MYO18A: variants seen among roughly 807,000 people sequenced by gnomAD.
MYO18A encodes the protein unconventional myosin-XVIIIa.
A neutral mutation model predicts 235.8 loss-of-function variants in MYO18A; 78 were observed. The observed-to-expected ratio is 0.33, with a 90% CI of 0.28 to 0.40. The LOEUF (loss-of-function observed/expected upper bound fraction) is 0.40, where lower values mean the gene tolerates loss of function less well. Among genes scored for constraint, MYO18A ranks in the 10% least tolerant of loss-of-function variants. MYO18A has a pLI of 1.00. For missense variants in MYO18A, 2,215 were observed against 2,699.3 expected (o/e 0.82, Z 3.98); for synonymous variants, 977 against 1,077.8 (o/e 0.91, Z 1.83).
At chr17:29,090,154 T>C in intron 36 of MYO18A, 56 bp from the exon 37 acceptor site, 1 of 1,568,216 alleles carries the variant, frequency 6.4e-7, no homozygotes, top group Non-Finnish European at 8.7e-7. Context: ...GGGAGGAGAC[T>C]GCGTCTGGGG....
intron 41 of MYO18A, chr17:29,075,784 C>A (rs1392465971): frequency 6.5e-6 from 1 of 152,930 alleles, no homozygotes. Flanking sequence ...GCCTCCACTG[C>A]CTCCGTCAGT....
At position 29,098,928 on chromosome 17, in the gene MYO18A, C is replaced by G; in HGVS notation, c.3678G>C (p.Lys1226Asn). 1 of 1,613,848 alleles carries G rather than the reference C, an allele frequency of 6.2e-7. No homozygotes were observed. Among genetic ancestry groups the G allele is most frequent in the Non-Finnish European group, 8.5e-7 (1 of 1,179,860 alleles). Residue 1226 changes from lysine to asparagine, a missense_variant, in exon 23 of 42, where the codon AAG becomes AAC. Coordinates refer to ENST00000527372, the MANE Select transcript of MYO18A (RefSeq NM_078471.4). ...LAIRCVQKNI[K>N]KNKGVKDWPW... ...GCCAGTCCTTCACCCCTTTGTTCTT[C>G]TTGATGTTCTTCTGTACACAGCGAA... is the stretch of plus-strand genomic sequence containing the variant.
intron 28 of MYO18A, 25 bp from the exon 29 acceptor site, chr17:29,095,084 T>C: frequency 6.7e-7 from 1 of 1,503,422 alleles, no homozygotes; most frequent in East Asian, 2.5e-5. Context: ...GGCGGCTCCA[T>C]CAGATGGGGA....
chr17:29,135,098 T>C (rs1378393795), intron 2 of MYO18A, among the ~76,000 whole-genome samples: 1 of 145,726 alleles, frequency 6.9e-6, no homozygotes, highest in African/African-American at 2.5e-5. Flanking sequence ...AACTGGTTCT[T>C]TTTTTTTTTT....
chr17:29,145,755 A>G (rs2067833949), intron 2 of MYO18A, among the ~76,000 whole-genome samples: 1 of 152,222 alleles, frequency 6.6e-6, no homozygotes, highest in South Asian at 2.1e-4. Context: ...AGCAGAGGAG[A>G]TAACAAATGT....
chr17:29,080,583 G>A (rs900300561), intron 41 of MYO18A: 7 of 985,836 alleles, frequency 7.1e-6, no homozygotes, highest in Non-Finnish European at 8.4e-6. Flanking sequence ...GGCGGGAACC[G>A]GGCGAGCCCG....
chr17:29,166,845 C>G lies in MYO18A; in HGVS notation c.96G>C (p.Glu32Asp), dbSNP rs1171875130. 1 of 1,577,190 alleles carries G rather than the reference C, an allele frequency of 6.3e-7. No individual in the cohort carries two copies. The highest frequency in any genetic ancestry group is 8.6e-7 in the Non-Finnish European group (1 of 1,162,202). ...GGCTCATCTCCTCCAGGCTCCGAAG[C>G]TCTGCCGCTGACATCCGCTCCTTTT... Reference protein sequence around the residue: ...KEKKERMSAAELRSLEEMSLR... With the variant: ...KEKKERMSAADLRSLEEMSLR... Residue 32 changes from glutamate to aspartate, a missense_variant, in exon 2 of 42, where the codon GAG becomes GAC. Transcript: ENST00000527372.
chr17:29,148,713 G>C (rs189967931), intron 2 of MYO18A, among the ~76,000 whole-genome samples: 1 of 152,074 alleles, frequency 6.6e-6, no homozygotes, highest in Non-Finnish European at 1.5e-5. Context: ...TACCAGTGCC[G>C]ATAGCCAGTG....
At chr17:29,132,242 A>G (rs2067490507) in intron 2 of MYO18A, among the ~76,000 whole-genome samples, 1 of 152,188 alleles carries the variant, frequency 6.6e-6, no homozygotes, top group African/African-American at 2.4e-5. Flanking sequence ...ATACCATCAC[A>G]CATCTGGAAA....
chr17:29,157,069 T>C (rs2068079801), intron 2 of MYO18A, among the ~76,000 whole-genome samples: 1 of 152,228 alleles, frequency 6.6e-6, no homozygotes, highest in Non-Finnish European at 1.5e-5. Context: ...CCAAGTGCTA[T>C]GGAGATCAGC....
intron 14 of MYO18A, chr17:29,114,303 T>A (rs933960966): frequency 2.0e-5 from 11 of 554,792 alleles, no homozygotes; most frequent in Non-Finnish European, 3.5e-5. Context: ...AACCTCTTTT[T>A]ATCCGAAGCC....
intron 20 of MYO18A, among the ~76,000 whole-genome samples, chr17:29,105,915 G>A (rs974288174): frequency 2.6e-5 from 4 of 152,188 alleles, no homozygotes; most frequent in African/African-American, 4.8e-5. Flanking sequence ...AGAGGCTGGC[G>A]CTTCGGTGGG....
intron 22 of MYO18A, 37 bp from the exon 23 acceptor site, chr17:29,099,006 T>C: frequency 6.2e-7 from 1 of 1,609,512 alleles, no homozygotes; most frequent in East Asian, 2.2e-5. Flanking sequence ...AGCGGGGCTC[T>C]CAGTCACCCT....
chr17:29,082,538 G>T, intron 40 of MYO18A, 100 bp from the exon 41 acceptor site: 1 of 1,283,520 alleles, frequency 7.8e-7, no homozygotes, highest in South Asian at 1.3e-5. Context: ...CAGGGGGGAT[G>T]TGGGCAGCAT....
Position 29,118,254 on chromosome 17 carries a change from A to G in MYO18A, c.1894-65T>C. On this transcript the variant is annotated intron_variant, in intron 9 of 41. Coordinates refer to ENST00000527372, the MANE Select transcript of MYO18A (RefSeq NM_078471.4). This position sits in a 1 kb window ranked among gnomAD's most constrained non-coding sequence, Gnocchi z 4.2. Reference sequence around the variant, plus strand: ...CACACCCCCATGAGGCTGGGCCCTCAGGGCAAGGCTTGGGTAGAGCCAGCA... The same window carrying G: ...CACACCCCCATGAGGCTGGGCCCTCGGGGCAAGGCTTGGGTAGAGCCAGCA... The G allele has an allele frequency of 6.4e-7, 1 of 1,565,410 alleles. No homozygotes were observed. The highest frequency in any genetic ancestry group is 8.7e-7 in the Non-Finnish European group (1 of 1,151,940).
rs777062705 is a variant in MYO18A at position 29,121,527 on chromosome 17, T to A, written c.1371+20A>T. The A allele has an allele frequency of 3.9e-5, 62 of 1,582,734 alleles. No individual in the cohort carries two copies. Among genetic ancestry groups the A allele is most frequent in the Non-Finnish European group, 5.2e-5 (61 of 1,163,940 alleles). On this transcript the variant is annotated intron_variant, in intron 5 of 41. Coordinates refer to ENST00000527372, the MANE Select transcript of MYO18A (RefSeq NM_078471.4). This position sits in a 1 kb window ranked among gnomAD's most constrained non-coding sequence, Gnocchi z 4.2. ...GGGGTGGGACCAGGAGTCTGCAGGG[T>A]AGCCTTGAGGGTGCTGCACCTTCTC...
In MYO18A at chr17:29,121,015, C is replaced by A. The variant is rs2067185501; in HGVS notation, c.1568G>T (p.Gly523Val). The change falls in exon 6 of 42, where the codon GGG becomes GTG. Residue 523 changes from glycine (G) to valine (V), a missense_variant. By Grantham distance (109) the Gly-to-Val change is moderately radical (BLOSUM62 -3). Coordinates refer to ENST00000527372, the MANE Select transcript of MYO18A (RefSeq NM_078471.4). This position sits in a 1 kb window ranked among gnomAD's most constrained non-coding sequence, Gnocchi z 4.2. Reference protein sequence around the residue: ...QYLATIAGISGNKVFSVEKWQ... With the variant: ...QYLATIAGISVNKVFSVEKWQ... ...TGCCTCACCAGAAAACACCTTGTTC[C>A]CGCTGATGCCCGCGATGGTGGCCAG... The A allele has an allele frequency of 2.5e-6, 4 of 1,611,584 alleles. No homozygotes were observed. The African/African-American group carries it at 4.0e-5, about 16-fold the overall frequency.
chr17:29,165,958 C>T lies in MYO18A; in HGVS notation c.983G>A (p.Arg328His). The T allele has an allele frequency of 1.2e-6, 2 of 1,612,616 alleles. No homozygotes were observed. Among genetic ancestry groups the T allele is most frequent in the Non-Finnish European group, 1.7e-6 (2 of 1,179,418 alleles). The stretch of plus-strand genomic sequence containing the variant: ...AGCACTCACATCGGATGGCTCCCTG[C>T]GAGGTCCCTCGCCGCTCCGCAGCCA... ...RSWLRSGEGP[R>H]REPSDAKTEE... The change falls in exon 2 of 42, where the codon CGC becomes CAC. Residue 328 changes from arginine to histidine, a missense_variant. Coordinates refer to ENST00000527372, the MANE Select transcript of MYO18A (RefSeq NM_078471.4).
chr17:29,080,904 C>A, intron 41 of MYO18A: 1 of 985,470 alleles, frequency 1.0e-6, no homozygotes, highest in Non-Finnish European at 1.2e-6. Context: ...CCCCGGTGCC[C>A]CCGATGGAGT....
Sources: allele counts gnomAD v4.1 joint callset (sites outside exome capture counted in the v4.1 genomes callset), GRCh38; gene constraint gnomAD v4.1.1; non-coding constraint Gnocchi (gnomAD v3.1); transcripts MANE v1.5; gene names NCBI Gene and HGNC (gene_info 2026-07-23, HGNC 2026-07-21).